The following TMEM135 variants were observed in gnomAD, a reference collection of about 807,000 sequenced individuals.
TMEM135 encodes transmembrane protein 135.
In TMEM135, 30 loss-of-function variants were observed where a neutral mutation model predicts 60.3. The ratio of observed to expected loss-of-function variants is 0.50; its 90% CI spans 0.37 to 0.68. TMEM135 has a LOEUF of 0.68. TMEM135 is among the 30% of genes least tolerant of loss of function. The pLI, the probability that TMEM135 is intolerant of heterozygous loss-of-function variation, is 0.00. For synonymous variants in TMEM135, 190 were observed against 186.7 expected (o/e 1.02, Z -0.14); for missense variants, 468 against 548.8 (o/e 0.85, Z 1.47).
intron 5 of TMEM135, among the ~76,000 whole-genome samples, chr11:87,159,617 A>ACACACACACACACACACACACACCCC (rs140303858): frequency 9.4e-5 from 14 of 149,344 alleles, no homozygotes; most frequent in Non-Finnish European, 1.8e-4. Flanking sequence ...ACACACACAC[A>ACACACACACACACACACACACACCCC]CCATAGATTT....
At chr11:87,238,207 T>A (rs1591127463) in intron 6 of TMEM135, among the ~76,000 whole-genome samples, 3 of 152,060 alleles carry the variant, frequency 2.0e-5, no homozygotes, top group Admixed American at 6.6e-5. Flanking sequence ...GATCACATAA[T>A]AGAGATCATA....
chr11:87,160,938 C>T (rs975904145), intron 5 of TMEM135, among the ~76,000 whole-genome samples: 27 of 152,130 alleles, frequency 1.8e-4, no homozygotes, highest in Admixed American at 6.6e-5. Flanking sequence ...CTCACTCTCT[C>T]GCCCAGACTG....
At chr11:87,191,307 CT>C (rs1939793322) in intron 5 of TMEM135, among the ~76,000 whole-genome samples, 1 of 151,740 alleles carries the variant, frequency 6.6e-6, no homozygotes, top group African/African-American at 2.4e-5. Flanking sequence ...GTGGCACGAT[CT>C]CGGCTCACTG....
At chr11:87,082,122 A>G (rs1324828388) in intron 3 of TMEM135, among the ~76,000 whole-genome samples, 2 of 152,154 alleles carry the variant, frequency 1.3e-5, no homozygotes, top group Admixed American at 6.5e-5. Context: ...AGTGTTGTTC[A>G]CAAGCTTAGT....
rs1198368367 is a variant in TMEM135 at position 87,222,810 on chromosome 11, AAAG to A, written c.463-13825_463-13823del. On this transcript the variant is annotated intron_variant, in intron 5 of 14. Transcript: ENST00000305494. ...ATAAGAGCGAAACTGTCTCAAAAAA[AAAG>A]AAAGAAAGAAAGAAAAAAAAATCAC... Among the ~76,000 whole-genome samples the A allele has an allele frequency of 8.0e-5, 12 of 149,746 alleles. 1 individual carries two copies. Among genetic ancestry groups the A allele is most frequent in the South Asian group, 4.2e-4 (2 of 4,796 alleles).
intron 6 of TMEM135, among the ~76,000 whole-genome samples, chr11:87,283,440 CAAAT>C (rs1235727524): frequency 6.6e-6 from 1 of 152,010 alleles, no homozygotes; most frequent in Non-Finnish European, 1.5e-5. Context: ...ACTTTGGTAT[CAAAT>C]AAGCATAAAT....
At chr11:87,109,935 G>C (rs567341774) in intron 4 of TMEM135, among the ~76,000 whole-genome samples, 1 of 152,020 alleles carries the variant, frequency 6.6e-6, no homozygotes, top group Admixed American at 6.6e-5. Flanking sequence ...ATGAGTAAAT[G>C]TTATTGACTG....
At chr11:87,184,776 A>G (rs971311838) in intron 5 of TMEM135, among the ~76,000 whole-genome samples, 6 of 152,080 alleles carry the variant, frequency 3.9e-5, no homozygotes, top group African/African-American at 1.4e-4. Context: ...GTTGTTACAT[A>G]CTCTTATAAG....
At chr11:87,101,574 A>G (rs1050747591) in intron 4 of TMEM135, among the ~76,000 whole-genome samples, 1 of 152,232 alleles carries the variant, frequency 6.6e-6, no homozygotes, top group Non-Finnish European at 1.5e-5. Context: ...GTAAACATAC[A>G]TGTAATGTAT....
At chr11:87,111,983 A>C (rs1348837398) in intron 4 of TMEM135, among the ~76,000 whole-genome samples, 4 of 152,172 alleles carry the variant, frequency 2.6e-5, no homozygotes, top group Non-Finnish European at 4.4e-5. Context: ...GCCTATCTAA[A>C]TGTTATTGAT....
chr11:87,261,894 A>G (rs1472134385), intron 6 of TMEM135, among the ~76,000 whole-genome samples: 2 of 152,206 alleles, frequency 1.3e-5, no homozygotes, highest in Non-Finnish European at 2.9e-5. Flanking sequence ...CAAAGTGTTG[A>G]GATTGTGGAC....
At chr11:87,168,447 T>C (rs957861753) in intron 5 of TMEM135, among the ~76,000 whole-genome samples, 2 of 152,190 alleles carry the variant, frequency 1.3e-5, no homozygotes, top group Admixed American at 1.3e-4. Flanking sequence ...CATTTGGTGC[T>C]ATAAATTTCC....
intron 2 of TMEM135, among the ~76,000 whole-genome samples, chr11:87,069,900 G>T (rs951386357): frequency 1.1e-4 from 17 of 152,170 alleles, no homozygotes; most frequent in African/African-American, 3.6e-4. Flanking sequence ...GGCCAGGTAC[G>T]GTGGCTCACA....
At chr11:87,155,875 A>G (rs1243114791) in intron 4 of TMEM135, among the ~76,000 whole-genome samples, 4 of 152,362 alleles carry the variant, frequency 2.6e-5, no homozygotes, top group Admixed American at 2.6e-4. Context: ...TGATTCTAAC[A>G]TCAGAGACCC....
At chr11:87,057,766 A>G (rs889812244) in intron 1 of TMEM135, among the ~76,000 whole-genome samples, 4 of 151,790 alleles carry the variant, frequency 2.6e-5, no homozygotes, top group African/African-American at 7.3e-5. Context: ...GATTTAGCTT[A>G]TTAGAGTTCT....
intron 2 of TMEM135, among the ~76,000 whole-genome samples, chr11:87,069,720 T>C (rs1376628569): frequency 6.6e-6 from 1 of 152,210 alleles, no homozygotes; most frequent in Non-Finnish European, 1.5e-5. Context: ...ACTAAGTCCA[T>C]TTTTCTTAAG....
chr11:87,290,456 T>C (rs940128485), intron 6 of TMEM135, among the ~76,000 whole-genome samples: 1 of 152,210 alleles, frequency 6.6e-6, no homozygotes, highest in Non-Finnish European at 1.5e-5. Flanking sequence ...GTCACACCAA[T>C]GAACTACAAA....
intron 6 of TMEM135, among the ~76,000 whole-genome samples, chr11:87,236,931 T>A (rs1941010964): frequency 6.6e-6 from 1 of 151,966 alleles, no homozygotes; most frequent in Non-Finnish European, 1.5e-5. Context: ...CCTAGAAAGT[T>A]GAATATGTCA....
intron 6 of TMEM135, among the ~76,000 whole-genome samples, chr11:87,253,317 C>T (rs921524520): frequency 7.2e-5 from 11 of 152,022 alleles, no homozygotes; most frequent in Non-Finnish European, 1.5e-4. Context: ...ACCTAAAATG[C>T]GACCCCTAAG....
Sources: allele counts gnomAD v4.1 joint callset (sites outside exome capture counted in the v4.1 genomes callset), GRCh38; gene constraint gnomAD v4.1.1; transcripts MANE v1.5; gene names NCBI Gene and HGNC (gene_info 2026-07-23, HGNC 2026-07-21).